Variants in PCCA observed in about 807,000 individuals in gnomAD.
The protein encoded by PCCA is propionyl-CoA carboxylase subunit alpha.
A neutral mutation model predicts 101.3 loss-of-function variants in PCCA; 74 were observed. The ratio of observed to expected loss-of-function variants is 0.73; its 90% CI spans 0.61 to 0.89. The LOEUF (loss-of-function observed/expected upper bound fraction) is 0.89. Among genes scored for constraint, PCCA ranks in the 40% least tolerant of loss-of-function variants. The pLI, the probability that PCCA is intolerant of heterozygous loss-of-function variation, is 0.00. For synonymous variants in PCCA, 294 were observed against 313.6 expected (o/e 0.94, Z 0.66); for missense variants, 891 against 907.0 (o/e 0.98, Z 0.23).
chr13:100,522,048 C>G (rs921590927), intron 22 of PCCA, among the ~76,000 whole-genome samples: 1 of 152,234 alleles, frequency 6.6e-6, no homozygotes, highest in Non-Finnish European at 1.5e-5. Flanking sequence ...CTCACTCTTG[C>G]ATCGAAACAG....
In PCCA at chr13:100,515,577, G is replaced by T. The variant is rs1566493519; in HGVS notation, c.2040+10G>T. The T allele has an allele frequency of 1.2e-6, 2 of 1,612,952 alleles. No homozygotes were observed. Among genetic ancestry groups the T allele is most frequent in the Non-Finnish European group, 8.5e-7 (1 of 1,179,880 alleles). On this transcript the variant is annotated intron_variant, in intron 22 of 23. Transcript: ENST00000376285. ...CAAGCCTGGAGACGCGGTAAGGGCT[G>T]TGTGTGTCTCTCTGCAGGACATGCT... is the stretch of plus-strand genomic sequence containing the variant.
intron 21 of PCCA, among the ~76,000 whole-genome samples, chr13:100,461,499 T>G (rs1298571220): frequency 6.6e-6 from 1 of 152,260 alleles, no homozygotes; most frequent in Non-Finnish European, 1.5e-5. Context: ...CATACATTTT[T>G]GGTTGTGGAT....
At chr13:100,501,867 C>G (rs1028951222) in intron 21 of PCCA, among the ~76,000 whole-genome samples, 4 of 107,352 alleles carry the variant, frequency 3.7e-5, no homozygotes, top group Non-Finnish European at 8.2e-5. Context: ...GAGGGACACT[C>G]CTTCTCAATA....
intron 21 of PCCA, among the ~76,000 whole-genome samples, chr13:100,502,702 T>C (rs1566469617): frequency 6.6e-6 from 1 of 152,208 alleles, no homozygotes; most frequent in African/African-American, 2.4e-5. Flanking sequence ...TAAGAGAGCT[T>C]TCTGTTGATT....
intron 15 of PCCA, among the ~76,000 whole-genome samples, chr13:100,308,056 T>C (rs1177284079): frequency 6.6e-6 from 1 of 152,100 alleles, no homozygotes; most frequent in Non-Finnish European, 1.5e-5. Context: ...GGTTTCACCT[T>C]GTTAGCCAGG....
chr13:100,340,327 A>G, intron 18 of PCCA, 68 bp downstream of exon 18: 1 of 845,702 alleles, frequency 1.2e-6, no homozygotes. Flanking sequence ...TACATAGGAA[A>G]TACTAATAAA....
chr13:100,177,643 G>T (rs2056362067), intron 6 of PCCA, among the ~76,000 whole-genome samples: 2 of 151,930 alleles, frequency 1.3e-5, no homozygotes, highest in African/African-American at 4.8e-5. Flanking sequence ...GCCCCCTGTT[G>T]AAAAAGAAAA....
intron 19 of PCCA, among the ~76,000 whole-genome samples, chr13:100,398,769 A>G (rs549972343): frequency 1.3e-5 from 2 of 152,300 alleles, no homozygotes; most frequent in South Asian, 2.1e-4. Flanking sequence ...AGATATTGAC[A>G]TGCAATTTTT....
intron 12 of PCCA, among the ~76,000 whole-genome samples, chr13:100,294,626 A>G (rs2065381838): frequency 1.3e-5 from 2 of 152,222 alleles, no homozygotes; most frequent in Admixed American, 6.5e-5. Context: ...AGTTCCAGAA[A>G]TGAATTGGCA....
chr13:100,271,623 G>A (rs557784997), intron 11 of PCCA, among the ~76,000 whole-genome samples: 1 of 152,240 alleles, frequency 6.6e-6, no homozygotes, highest in East Asian at 1.9e-4. Context: ...ATGCAGTTTT[G>A]GACCTTATTT....
At chr13:100,324,330 A>G (rs906278151) in intron 16 of PCCA, among the ~76,000 whole-genome samples, 2 of 152,104 alleles carry the variant, frequency 1.3e-5, no homozygotes, top group Admixed American at 6.5e-5. Context: ...GCAGTTACCT[A>G]TTTTGATATT....
chr13:100,330,394 T>G (rs897449645), intron 16 of PCCA, among the ~76,000 whole-genome samples, 167 bp from the exon 17 acceptor site: 4 of 152,226 alleles, frequency 2.6e-5, no homozygotes, highest in Non-Finnish European at 4.4e-5. Flanking sequence ...GTTTTATTGA[T>G]ACCACAAGTT....
intron 19 of PCCA, among the ~76,000 whole-genome samples, chr13:100,392,200 G>GGGAA (rs146665311): frequency 0.011 from 1,701 of 152,128 alleles, 41 homozygotes; most frequent in African/African-American, 0.039. Context: ...AGAGGAGTTG[G>GGGAA]GGAAGGAAGG....
intron 4 of PCCA, among the ~76,000 whole-genome samples, chr13:100,139,176 T>A (rs1458025949): frequency 6.6e-6 from 1 of 152,060 alleles, no homozygotes; most frequent in Non-Finnish European, 1.5e-5. Context: ...AGGAATTTTG[T>A]CTTTAATTTT....
At chr13:100,520,388 C>T (rs1483379356) in intron 22 of PCCA, among the ~76,000 whole-genome samples, 2 of 152,078 alleles carry the variant, frequency 1.3e-5, no homozygotes, top group Non-Finnish European at 2.9e-5. Flanking sequence ...TGGCTCACGC[C>T]TGTAATCCCA....
chr13:100,365,651 A>C, intron 18 of PCCA, among the ~76,000 whole-genome samples: 1 of 152,244 alleles, frequency 6.6e-6, no homozygotes, highest in Non-Finnish European at 1.5e-5. Flanking sequence ...TTAGTGTGAG[A>C]AGCAGAGAGA....
At chr13:100,185,828 G>A (rs1402924331) in intron 6 of PCCA, among the ~76,000 whole-genome samples, 1 of 151,908 alleles carries the variant, frequency 6.6e-6, no homozygotes, top group African/African-American at 2.4e-5. Context: ...TGTATTTTTA[G>A]TAGAGATGGG....
intron 4 of PCCA, among the ~76,000 whole-genome samples, chr13:100,117,968 TAGCC>T (rs1470099378): frequency 1.3e-5 from 2 of 151,506 alleles, no homozygotes; most frequent in African/African-American, 2.4e-5. Context: ...TACAAAAAAT[TAGCC>T]AGGCGTGGTG....
At chr13:100,351,304 A>C (rs1453288014) in intron 18 of PCCA, among the ~76,000 whole-genome samples, 1 of 152,178 alleles carries the variant, frequency 6.6e-6, no homozygotes, top group African/African-American at 2.4e-5. Context: ...CCTTGTTCCA[A>C]AAAAAGATTT....
Sources: allele counts gnomAD v4.1 joint callset (sites outside exome capture counted in the v4.1 genomes callset), GRCh38; gene constraint gnomAD v4.1.1; transcripts MANE v1.5; gene names NCBI Gene and HGNC (gene_info 2026-07-23, HGNC 2026-07-21).